The following ABCA13 variants were observed in gnomAD, a reference collection of about 807,000 sequenced individuals.
ABCA13 encodes the protein ATP-binding cassette sub-family A member 13.
Under a neutral mutation model 478.7 loss-of-function variants are expected in ABCA13, and 476 were observed. That is an observed-to-expected ratio of 0.99 (90% confidence interval 0.92 to 1.07). The LOEUF is 1.07. Among genes scored for constraint, ABCA13 ranks in the 50% least tolerant of loss-of-function variants. The probability of loss-of-function intolerance (pLI) is 0.00; values close to 1 mark genes in which losing one functional copy is unlikely to be tolerated. For missense variants in ABCA13, 6,060 were observed against 5,910.6 expected (o/e 1.03, Z -0.83); for synonymous variants, 2,252 against 2,158.9 (o/e 1.04, Z -1.20).
intron 35 of ABCA13, among the ~76,000 whole-genome samples, chr7:48,381,966 G>A (rs1408762890): frequency 6.6e-6 from 1 of 152,240 alleles, no homozygotes; most frequent in African/African-American, 2.4e-5. Flanking sequence ...GCATTTGGCA[G>A]CTCTCTGCTT....
At chr7:48,466,821 A>G (rs1490089986) in intron 43 of ABCA13, 135 bp from the exon 44 acceptor site, 3 of 793,918 alleles carry the variant, frequency 3.8e-6, no homozygotes, top group Admixed American at 2.1e-5. Context: ...AATTAGCTGT[A>G]TCTCACTTAC....
chr7:48,279,129 G>A lies in ABCA13; in HGVS notation c.7935G>A (p.Val2645=), dbSNP rs1281876017. 1.9e-6 allele frequency: 3 copies of A among 1,609,064 alleles called. No individual in the cohort carries two copies. Among genetic ancestry groups the A allele is most frequent in the Non-Finnish European group, 2.5e-6 (3 of 1,178,030 alleles). The change falls in exon 18 of 62, where the codon GTG becomes GTA. Residue 2645 remains valine, a synonymous_variant. Transcript: ENST00000435803. ...AAATTGCTGAATTTTTAACATCTGT[G>A]AAAATGAACTTGGAAGATATGAGGA... The part of the protein sequence containing the change: ...LEEIAEFLTS[V]KMNLEDMRSL...
At position 48,297,365 on chromosome 7, in the gene ABCA13, A is replaced by C. The variant is rs905007240; in HGVS notation, c.9199+54A>C. ...GATTAAAAATTAAATTTAGTTTCTC[A>C]TGCAAATATATTATTAAAATAAAAC... On this transcript the variant is annotated intron_variant, in intron 22 of 61. Coordinates refer to ENST00000435803, the MANE Select transcript of ABCA13 (RefSeq NM_152701.5). The C allele has an allele frequency of 1.1e-5, 16 of 1,421,706 alleles. No homozygotes were observed. In the Admixed American group the frequency reaches 2.4e-4, roughly 21 times the overall value. 88.1% of individuals were successfully genotyped at this position (1,421,706 alleles called of 1,614,324 possible). A position where few individuals can be genotyped will look rare whatever the true frequency, so the allele number is the denominator to read the frequency against.
intron 15 of ABCA13, among the ~76,000 whole-genome samples, chr7:48,267,826 A>G (rs1170045722): frequency 6.6e-6 from 1 of 152,136 alleles, no homozygotes; most frequent in East Asian, 1.9e-4. Flanking sequence ...CTGCTTCTTT[A>G]CATGCCTGCT....
intron 57 of ABCA13, among the ~76,000 whole-genome samples, chr7:48,593,346 T>A (rs546815628): frequency 6.6e-6 from 1 of 151,870 alleles, no homozygotes; most frequent in South Asian, 2.1e-4. Flanking sequence ...TACAAAAGTC[T>A]ATTTTTAACC....
intron 58 of ABCA13, among the ~76,000 whole-genome samples, chr7:48,595,874 A>G (rs1456417676): frequency 6.6e-6 from 1 of 152,184 alleles, no homozygotes; most frequent in Admixed American, 6.5e-5. Flanking sequence ...ATGGCAAGAC[A>G]CGTAGGAACA....
intron 35 of ABCA13, among the ~76,000 whole-genome samples, chr7:48,378,770 C>T (rs1813885817): frequency 6.6e-6 from 1 of 152,214 alleles, no homozygotes; most frequent in Non-Finnish European, 1.5e-5. Context: ...CACAAGTCTC[C>T]CTTAAGTTCA....
intron 59 of ABCA13, among the ~76,000 whole-genome samples, chr7:48,634,849 A>T (rs1184723936): frequency 6.6e-6 from 1 of 152,172 alleles, no homozygotes; most frequent in Non-Finnish European, 1.5e-5. Context: ...TTCATCTCAA[A>T]GTATTTTATA....
At chr7:48,526,505 C>T (rs1832900131) in intron 54 of ABCA13, among the ~76,000 whole-genome samples, 1 of 152,110 alleles carries the variant, frequency 6.6e-6, no homozygotes, top group Admixed American at 6.6e-5. Context: ...AAGATACAGT[C>T]CTGTGTTGTT....
chr7:48,210,293 GA>G (rs1362547342), intron 3 of ABCA13, among the ~76,000 whole-genome samples: 1 of 152,130 alleles, frequency 6.6e-6, no homozygotes, highest in Non-Finnish European at 1.5e-5. Context: ...ATCATGAGAA[GA>G]GCATGGGGGA....
Position 48,459,476 on chromosome 7 carries a change from A to G in ABCA13, c.12815+4190A>G, listed in dbSNP as rs1018788932. ...CTCAGTCCTCTGCCACTCCCACTCT[A>G]TACACTCTAATGTTCCCAGCAAAAT... On this transcript the variant is annotated intron_variant, in intron 43 of 61. Transcript: ENST00000435803. Among the ~76,000 whole-genome samples the G allele has an allele frequency of 3.3e-5, 5 of 152,080 alleles. No homozygotes were observed. In the South Asian group the frequency reaches 6.2e-4, roughly 19 times the overall value.
intron 23 of ABCA13, among the ~76,000 whole-genome samples, chr7:48,302,798 A>G (rs753903869): frequency 2.0e-5 from 3 of 152,202 alleles, no homozygotes; most frequent in African/African-American, 4.8e-5. Context: ...TAGTGCTGCA[A>G]TGAACATACA....
At chr7:48,569,668 G>A (rs1787418305) in intron 55 of ABCA13, among the ~76,000 whole-genome samples, 1 of 152,066 alleles carries the variant, frequency 6.6e-6, no homozygotes. Flanking sequence ...GGGAATACAG[G>A]CATCTGCCAC....
chr7:48,412,505 G>A lies in ABCA13; in HGVS notation c.12381G>A (p.Gly4127=), dbSNP rs1188552369. 6.2e-7 allele frequency: 1 copy of A among 1,613,450 alleles called. No individual in the cohort carries two copies. The highest frequency in any genetic ancestry group is 8.5e-7 in the Non-Finnish European group (1 of 1,179,780). ...ACACAGACAAGGCCTGCTTGAAAGG[G>A]CTCTTCCAGGCCCTGGATGAGAACC... ...PKDTDKACLK[G]LFQALDENLH... The change falls in exon 41 of 62, where the codon GGG becomes GGA. Residue 4127 remains glycine, a synonymous_variant. Coordinates refer to ENST00000435803, the MANE Select transcript of ABCA13 (RefSeq NM_152701.5).
rs1831631090 is a variant in ABCA13 at position 48,511,000 on chromosome 7, A to G, written c.13525-84A>G. The stretch of plus-strand genomic sequence containing the variant: ...AATAGGAAATATATTTGTGAAGTTG[A>G]AAGGAAACTTCAGGATAAGTAGATG... On this transcript the variant is annotated intron_variant, in intron 50 of 61. Transcript: ENST00000435803. 3 of 1,124,650 alleles carry G rather than the reference A, an allele frequency of 2.7e-6. No individual in the cohort carries two copies. The South Asian group carries it at 4.0e-5, about 15-fold the overall frequency. The allele number at this position is 1,124,650 out of a possible 1,614,324, so 69.7% of individuals were successfully genotyped here.
chr7:48,377,809 A>G (rs1385439047), intron 35 of ABCA13, among the ~76,000 whole-genome samples: 4 of 152,258 alleles, frequency 2.6e-5, no homozygotes, highest in Non-Finnish European at 5.9e-5. Flanking sequence ...AAATTGGATG[A>G]GAAGCAATTG....
At chr7:48,404,251 C>A in intron 39 of ABCA13, 1 of 272,242 alleles carries the variant, frequency 3.7e-6, no homozygotes, top group Middle Eastern at 1.4e-3. Context: ...CTCAGAGAGA[C>A]GGGCATGTGA....
chr7:48,320,240 G>A (rs552368778), intron 27 of ABCA13, among the ~76,000 whole-genome samples: 46 of 152,228 alleles, frequency 3.0e-4, no homozygotes, highest in Non-Finnish European at 5.4e-4. Context: ...CTTGTATGAA[G>A]TGTTTGCTGC....
chr7:48,397,864 G>A (rs1817056194), intron 38 of ABCA13, among the ~76,000 whole-genome samples: 1 of 152,184 alleles, frequency 6.6e-6, no homozygotes, highest in African/African-American at 2.4e-5. Context: ...TAAAGTGATG[G>A]ATGATACTAT....
Sources: allele counts gnomAD v4.1 joint callset (sites outside exome capture counted in the v4.1 genomes callset), GRCh38; gene constraint gnomAD v4.1.1; transcripts MANE v1.5; gene names NCBI Gene and HGNC (gene_info 2026-07-23, HGNC 2026-07-21).